The following DHX35 variants were observed in gnomAD, a reference collection of about 807,000 sequenced individuals.
The protein encoded by DHX35 is DEAH-box helicase 35.
A neutral mutation model predicts 99.6 loss-of-function variants in DHX35; 84 were observed. The ratio of observed to expected loss-of-function variants is 0.84; its 90% CI spans 0.71 to 1.01. The LOEUF is 1.01. DHX35 is among the 50% of genes least tolerant of loss of function. The pLI is 0.00. For missense variants in DHX35, 852 were observed against 888.5 expected, an observed-to-expected ratio of 0.96 and a Z score of 0.52; for synonymous variants, 331 against 316.2, an observed-to-expected ratio of 1.05 and a Z score of -0.50.
chr20:39,013,400 A>G (rs149881372), intron 13 of DHX35, among the ~76,000 whole-genome samples: 1 of 152,336 alleles, frequency 6.6e-6, no homozygotes, highest in African/African-American at 2.4e-5. Flanking sequence ...AAACAGAAAA[A>G]CATGTAGTGA....
chr20:39,030,816 A>G, intron 20 of DHX35, 41 bp downstream of exon 20: 1 of 1,597,966 alleles, frequency 6.3e-7, no homozygotes, highest in Non-Finnish European at 8.6e-7. Flanking sequence ...TGCTTTGAAC[A>G]GGGCCATGTT....
In DHX35 at chr20:39,034,210, A is replaced by G. The variant is rs1403999961; in HGVS notation, c.1960A>G (p.Ile654Val). Reference sequence around the variant, plus strand: ...CATGTTTCTTTCTCATTTCAGGGTCATCTATAACGAAGTTATACAGACCTC... The same window carrying G: ...CATGTTTCTTTCTCATTTCAGGGTCGTCTATAACGAAGTTATACAGACCTC... ...LYAEKPPRWV[I>V]YNEVIQTSKY... The change falls in exon 21 of 22, where the codon ATC (isoleucine) becomes GTC (valine). Residue 654 changes from isoleucine to valine, a missense_variant. By Grantham distance (29) the Ile-to-Val change is conservative (BLOSUM62 3). Coordinates refer to ENST00000252011, the MANE Select transcript of DHX35 (RefSeq NM_021931.4). 6 of 1,610,202 alleles carry G rather than the reference A, an allele frequency of 3.7e-6. No individual in the cohort carries two copies. Among genetic ancestry groups the G allele is most frequent in the Non-Finnish European group, 5.1e-6 (6 of 1,176,778 alleles).
intron 7 of DHX35, among the ~76,000 whole-genome samples, chr20:38,992,956 C>T (rs1024047323): frequency 1.3e-5 from 2 of 152,082 alleles, no homozygotes; most frequent in Non-Finnish European, 2.9e-5. Flanking sequence ...ATACATATCC[C>T]AAAGAAGTGT....
At chr20:38,972,167 G>A (rs1460989490) in intron 2 of DHX35, among the ~76,000 whole-genome samples, 6 of 151,812 alleles carry the variant, frequency 4.0e-5, no homozygotes, top group African/African-American at 2.4e-5. Flanking sequence ...TTTCCACTGC[G>A]CCCAGCTAAT....
intron 11 of DHX35, among the ~76,000 whole-genome samples, chr20:39,004,674 G>A (rs1371478710): frequency 1.3e-5 from 2 of 152,232 alleles, no homozygotes; most frequent in African/African-American, 4.8e-5. Context: ...AGGGTGTGGT[G>A]GAAAGCATTG....
At position 38,988,908 on chromosome 20, in the gene DHX35, G is replaced by A. The variant is rs575021490; in HGVS notation, c.441G>A (p.Thr147=). 2.5e-6 allele frequency: 4 copies of A among 1,612,640 alleles called. No individual in the cohort carries two copies. The highest frequency in any genetic ancestry group is 3.3e-5 in the Admixed American group (2 of 59,974). The change falls in exon 5 of 22, where the codon ACG becomes ACA. Residue 147 remains threonine (T), a synonymous_variant. Transcript: ENST00000252011. ...RFDDCTDQLA[T]RIKFLTDGML... Reference sequence around the variant, plus strand: ...ATGACTGCACCGACCAGCTGGCCACGAGAATTAAGGTAAAGTGCTCAAGCT... The same window carrying A: ...ATGACTGCACCGACCAGCTGGCCACAAGAATTAAGGTAAAGTGCTCAAGCT...
chr20:39,023,821 G>A, intron 17 of DHX35, 54 bp downstream of exon 17: 1 of 1,448,100 alleles, frequency 6.9e-7, no homozygotes. Context: ...CTCTGGAGGT[G>A]ATCTAGGAGG....
chr20:38,984,090 T>G (rs1232509881), intron 4 of DHX35, among the ~76,000 whole-genome samples: 1 of 151,936 alleles, frequency 6.6e-6, no homozygotes, highest in Non-Finnish European at 1.5e-5. Context: ...TTTTATATTT[T>G]TAGTAGAGAC....
At chr20:39,038,401 A>G (rs1369769200) in intron 21 of DHX35, 98 bp from the exon 22 acceptor site, 7 of 1,328,358 alleles carry the variant, frequency 5.3e-6, no homozygotes, top group South Asian at 3.6e-5. Context: ...TGTGGACCAG[A>G]TGGAAGATTT....
chr20:39,026,943 C>G (rs1011980254), intron 18 of DHX35, among the ~76,000 whole-genome samples: 3 of 152,010 alleles, frequency 2.0e-5, no homozygotes, highest in African/African-American at 7.3e-5. Context: ...ATTATCAGAC[C>G]CCTGCCCAGG....
chr20:39,027,541 A>T (rs2086977454), intron 18 of DHX35, among the ~76,000 whole-genome samples: 1 of 152,226 alleles, frequency 6.6e-6, no homozygotes, highest in African/African-American at 2.4e-5. Context: ...ACTTTTTGCC[A>T]AAACATTGCT....
At chr20:38,970,558 T>C (rs2085979693) in intron 2 of DHX35, among the ~76,000 whole-genome samples, 1 of 152,154 alleles carries the variant, frequency 6.6e-6, no homozygotes, top group African/African-American at 2.4e-5. Context: ...GACTTCAGGG[T>C]TCAAACCCAA....
At chr20:39,009,610 A>G (rs1446601738) in intron 12 of DHX35, among the ~76,000 whole-genome samples, 1 of 149,962 alleles carries the variant, frequency 6.7e-6, no homozygotes, top group East Asian at 2.0e-4. Flanking sequence ...TTTTTTCCCC[A>G]CCCTTCCTGC....
At chr20:39,011,972 G>C (rs1411253605) in intron 13 of DHX35, among the ~76,000 whole-genome samples, 1 of 152,258 alleles carries the variant, frequency 6.6e-6, no homozygotes, top group Admixed American at 6.5e-5. Flanking sequence ...AACAGGCTGA[G>C]CGTGGTGGCT....
In DHX35 at chr20:39,010,412, C is replaced by T. The variant is rs558900997; in HGVS notation, c.1347+8C>T. The T allele has an allele frequency of 3.1e-6, 5 of 1,613,818 alleles. No homozygotes were observed. The highest frequency in any genetic ancestry group is 2.2e-5 in the South Asian group (2 of 91,070). ...AGGTTCCACTTCATGTCGGTAAGTC[C>T]TGCCTGCTGTCTGGGGCCATAGGGA... On this transcript the variant is annotated splice_region_variant and intron_variant, in intron 13 of 21. Transcript: ENST00000252011.
At chr20:39,026,081 C>A (rs1243589581) in intron 18 of DHX35, among the ~76,000 whole-genome samples, 2 of 152,202 alleles carry the variant, frequency 1.3e-5, no homozygotes, top group Admixed American at 6.5e-5. Context: ...ACACCCGCCT[C>A]AGCAGTCAGC....
rs574250687 is a variant in DHX35 at position 38,968,909 on chromosome 20, C to T, written c.41-172C>T. ...CTTTTAGGGAAGATTTTTAGTTCCTCGTAGGCACTTTTCTGGATTCTTTCC... is the reference window on the plus strand; with the variant it reads ...CTTTTAGGGAAGATTTTTAGTTCCTTGTAGGCACTTTTCTGGATTCTTTCC... On this transcript the variant is annotated intron_variant, in intron 1 of 21. Coordinates refer to ENST00000252011, the MANE Select transcript of DHX35 (RefSeq NM_021931.4). Among the ~76,000 whole-genome samples, 35 of 152,292 alleles carry T rather than the reference C, an allele frequency of 2.3e-4. 1 individual carries two copies. Among genetic ancestry groups the T allele is most frequent in the South Asian group, 1.9e-3 (9 of 4,828 alleles).
chr20:39,031,302 C>CAG lies in DHX35; in HGVS notation c.1955+531_1955+532dup, dbSNP rs144011062. Among the ~76,000 whole-genome samples, 1,264 of 151,492 alleles carry CAG rather than the reference C, an allele frequency of 8.3e-3. 18 individuals are homozygous for CAG. Among genetic ancestry groups the CAG allele is most frequent in the African/African-American group, 0.029 (1,206 of 41,278 alleles). On this transcript the variant is annotated intron_variant, in intron 20 of 21. Coordinates refer to ENST00000252011, the MANE Select transcript of DHX35 (RefSeq NM_021931.4). The stretch of plus-strand genomic sequence containing the variant: ...TAGCCCTGCATGAGGCACAGCTATG[C>CAG]AGAGATGAATTGGGATCCCAGCTCA...
chr20:38,962,540 C>CG, intron 1 of DHX35, 133 bp downstream of exon 1: 2 of 1,162,836 alleles, frequency 1.7e-6, no homozygotes, highest in Non-Finnish European at 1.2e-6. Context: ...CGCCTCTGTG[C>CG]GGGGGGAGCT....
Sources: gnomAD v4.1 joint callset for allele counts (sites outside exome capture counted in the v4.1 genomes callset) on GRCh38, gnomAD v4.1.1 for gene constraint, MANE v1.5 for transcripts, NCBI Gene and HGNC (gene_info 2026-07-23, HGNC 2026-07-21) for gene names.